The following OR1J2 variants were observed in gnomAD, a reference collection of about 807,000 sequenced individuals.
The protein encoded by OR1J2 is olfactory receptor 1J2.
For missense variants in OR1J2, 304 were observed against 246.1 expected, an observed-to-expected ratio of 1.24 and a Z score of -1.57; for synonymous variants, 142 against 99.7, an observed-to-expected ratio of 1.42 and a Z score of -2.52.
the OR1J2 span, among the ~76,000 whole-genome samples, chr9:122,528,848 C>G: frequency 6.6e-6 from 1 of 152,164 alleles, no homozygotes. Context: ...GAGGAAGATA[C>G]GGTATGAAAA....
At chr9:122,464,660 A>C in the OR1J2 span, among the ~76,000 whole-genome samples, 3 of 152,202 alleles carry the variant, frequency 2.0e-5, no homozygotes, top group Non-Finnish European at 1.5e-5. Flanking sequence ...AAGATTGGTG[A>C]CTCTTGGAAC....
At chr9:122,541,160 C>T in the OR1J2 span, among the ~76,000 whole-genome samples, 12 of 152,176 alleles carry the variant, frequency 7.9e-5, no homozygotes, top group East Asian at 1.9e-4. Flanking sequence ...TTGACTCCTA[C>T]GGAAATCATG....
the OR1J2 span, among the ~76,000 whole-genome samples, chr9:122,472,736 G>A: frequency 6.6e-6 from 1 of 152,172 alleles, no homozygotes; most frequent in African/African-American, 2.4e-5. Flanking sequence ...TCTGCAATCA[G>A]GAGATTTTGT....
the OR1J2 span, among the ~76,000 whole-genome samples, chr9:122,558,125 G>A: frequency 2.6e-5 from 4 of 151,302 alleles, no homozygotes; most frequent in African/African-American, 4.9e-5. Flanking sequence ...CTTATTAATG[G>A]TATATCAATT....
the OR1J2 span, among the ~76,000 whole-genome samples, chr9:122,448,111 T>C: frequency 6.6e-6 from 1 of 152,204 alleles, no homozygotes; most frequent in South Asian, 2.1e-4. Flanking sequence ...TATTTATTGA[T>C]TACTATTTTC....
chr9:122,573,456 G>T, the OR1J2 span, among the ~76,000 whole-genome samples: 1 of 152,178 alleles, frequency 6.6e-6, no homozygotes, highest in Non-Finnish European at 1.5e-5. Flanking sequence ...GTATACAGTG[G>T]TATGTCATTG....
the OR1J2 span, chr9:122,553,356 A>T: frequency 1.9e-6 from 3 of 1,613,904 alleles, no homozygotes; most frequent in Non-Finnish European, 2.5e-6. Flanking sequence ...CCTGCTCATT[A>T]TCCTGGCCAT....
At chr9:122,576,223 A>T in the OR1J2 span, among the ~76,000 whole-genome samples, 7,466 of 150,554 alleles carry the variant, frequency 0.05, 291 homozygotes, top group South Asian at 0.17. Context: ...TCTTTTTTAC[A>T]TTTTTTTTTA....
the OR1J2 span, among the ~76,000 whole-genome samples, chr9:122,451,777 A>C: frequency 6.6e-6 from 1 of 152,212 alleles, no homozygotes; most frequent in African/African-American, 2.4e-5. Flanking sequence ...CCATTTTCTC[A>C]TACACATTTC....
chr9:122,485,534 C>T, the OR1J2 span, among the ~76,000 whole-genome samples: 27 of 152,270 alleles, frequency 1.8e-4, no homozygotes, highest in African/African-American at 6.5e-4. Flanking sequence ...CTTTCCTGTC[C>T]CTACCCAAGA....
At chr9:122,453,506 A>G in the OR1J2 span, among the ~76,000 whole-genome samples, 1 of 152,202 alleles carries the variant, frequency 6.6e-6, no homozygotes, top group Non-Finnish European at 1.5e-5. Flanking sequence ...CTTGTGATAC[A>G]AGACTAATTC....
chr9:122,449,263 C>T, the OR1J2 span, among the ~76,000 whole-genome samples: 7 of 152,176 alleles, frequency 4.6e-5, no homozygotes, highest in Non-Finnish European at 7.3e-5. Context: ...TGAATGGTCA[C>T]AGAGACAGCC....
the OR1J2 span, chr9:122,553,949 T>G: frequency 3.9e-4 from 622 of 1,613,998 alleles, 7 homozygotes; most frequent in African/African-American, 6.9e-3. Context: ...CCTGTGGTTC[T>G]CATCTCACGG....
chr9:122,498,816 C>G, the OR1J2 span, among the ~76,000 whole-genome samples: 1 of 152,166 alleles, frequency 6.6e-6, no homozygotes, highest in Middle Eastern at 3.4e-3. Context: ...CTTTCTTTCC[C>G]GTTAATGTTA....
At chr9:122,474,817 A>G in the OR1J2 span, among the ~76,000 whole-genome samples, 7 of 151,072 alleles carry the variant, frequency 4.6e-5, no homozygotes, top group Non-Finnish European at 1.0e-4. Context: ...CATGCTCTCA[A>G]ATGGTCATTT....
chr9:122,519,161 C>A, the OR1J2 span: 2 of 1,606,008 alleles, frequency 1.2e-6, no homozygotes, highest in East Asian at 2.2e-5. Flanking sequence ...AGAATCAGAG[C>A]AGTGTGTCTG....
chr9:122,530,877 G>C, the OR1J2 span, among the ~76,000 whole-genome samples: 1 of 152,166 alleles, frequency 6.6e-6, no homozygotes, highest in Non-Finnish European at 1.5e-5. Flanking sequence ...ATCAGTGAAG[G>C]CAGGAACAGG....
the OR1J2 span, among the ~76,000 whole-genome samples, chr9:122,563,476 C>A: frequency 1.3e-4 from 19 of 151,866 alleles, no homozygotes; most frequent in Non-Finnish European, 7.4e-5. Context: ...TTGTTGTTAT[C>A]GAGACATTTG....
At chr9:122,463,340 T>G in the OR1J2 span, among the ~76,000 whole-genome samples, 1 of 152,200 alleles carries the variant, frequency 6.6e-6, no homozygotes, top group Non-Finnish European at 1.5e-5. Flanking sequence ...CTGTATCTTT[T>G]TTTGATTTCT....
Sources: allele counts gnomAD v4.1 joint callset (sites outside exome capture counted in the v4.1 genomes callset), GRCh38; gene constraint gnomAD v4.1.1; transcripts MANE v1.5; gene names NCBI Gene and HGNC (gene_info 2026-07-23, HGNC 2026-07-21).